ZNF475: variants seen among roughly 807,000 people sequenced by gnomAD.
ZNF475 encodes zinc finger protein 475.
At chr5:122,163,906 T>G in the ZNF475 span, among the ~76,000 whole-genome samples, 1 of 152,140 alleles carries the variant, frequency 6.6e-6, no homozygotes, top group East Asian at 1.9e-4. Context: ...CATGTTTAAA[T>G]TCAAAAAGAG....
chr5:122,172,479 T>C, the ZNF475 span, among the ~76,000 whole-genome samples: 2 of 152,302 alleles, frequency 1.3e-5, no homozygotes, highest in Non-Finnish European at 1.5e-5. Flanking sequence ...CTGGGGCTAA[T>C]AGACAGGTTT....
the ZNF475 span, among the ~76,000 whole-genome samples, chr5:122,160,787 G>A: frequency 6.6e-6 from 1 of 152,126 alleles, no homozygotes; most frequent in South Asian, 2.1e-4. Flanking sequence ...TGTCTTCAAA[G>A]CCTTTTTCCC....
chr5:122,174,872 C>G, the ZNF475 span, among the ~76,000 whole-genome samples: 1 of 152,086 alleles, frequency 6.6e-6, no homozygotes, highest in African/African-American at 2.4e-5. Flanking sequence ...ATTAACCTTT[C>G]CAGTAAATAA....
At chr5:122,169,303 G>A in the ZNF475 span, among the ~76,000 whole-genome samples, 2 of 152,088 alleles carry the variant, frequency 1.3e-5, no homozygotes, top group African/African-American at 4.8e-5. Flanking sequence ...CTTTCTTTCT[G>A]CTTCAGACTC....
At chr5:122,161,661 A>C in the ZNF475 span, among the ~76,000 whole-genome samples, 1 of 152,078 alleles carries the variant, frequency 6.6e-6, no homozygotes, top group Non-Finnish European at 1.5e-5. Context: ...TCATCTCTTT[A>C]ATTATATGCA....
the ZNF475 span, among the ~76,000 whole-genome samples, chr5:122,160,711 G>C: frequency 2.6e-5 from 4 of 152,100 alleles, no homozygotes; most frequent in Non-Finnish European, 5.9e-5. Context: ...TATTATTTAG[G>C]CGTAAAATGA....
the ZNF475 span, chr5:122,163,366 A>G: frequency 1.3e-5 from 2 of 152,344 alleles, no homozygotes; most frequent in African/African-American, 2.4e-5. Flanking sequence ...CCATTATGCC[A>G]CTTGGTCAGA....
the ZNF475 span, among the ~76,000 whole-genome samples, chr5:122,164,169 T>C: frequency 6.6e-6 from 1 of 152,224 alleles, no homozygotes; most frequent in African/African-American, 2.4e-5. Context: ...TACCTTTTAT[T>C]GGGGATATGA....
At chr5:122,170,305 C>T in the ZNF475 span, among the ~76,000 whole-genome samples, 2 of 152,168 alleles carry the variant, frequency 1.3e-5, no homozygotes, top group African/African-American at 2.4e-5. Context: ...ACAAGACTGC[C>T]CCCCAGCTTC....
the ZNF475 span, among the ~76,000 whole-genome samples, chr5:122,178,372 G>A: frequency 6.6e-6 from 1 of 152,330 alleles, no homozygotes; most frequent in Non-Finnish European, 1.5e-5. Context: ...CAGTGTAAAA[G>A]CTTTCCTATT....
At chr5:122,174,230 A>G in the ZNF475 span, among the ~76,000 whole-genome samples, 5 of 152,342 alleles carry the variant, frequency 3.3e-5, no homozygotes, top group African/African-American at 1.2e-4. Context: ...TCTATCTGAA[A>G]AAGGCCCAAT....
the ZNF475 span, among the ~76,000 whole-genome samples, chr5:122,166,193 G>C: frequency 1.3e-5 from 2 of 152,162 alleles, no homozygotes; most frequent in Admixed American, 6.5e-5. Flanking sequence ...GTGACACAAG[G>C]GGAGCCTTTC....
At chr5:122,182,106 C>G in the ZNF475 span, among the ~76,000 whole-genome samples, 1 of 152,098 alleles carries the variant, frequency 6.6e-6, no homozygotes, top group Non-Finnish European at 1.5e-5. Context: ...TATTTAGAGT[C>G]AACTGAAAGA....
At chr5:122,169,870 C>T in the ZNF475 span, among the ~76,000 whole-genome samples, 4 of 152,064 alleles carry the variant, frequency 2.6e-5, no homozygotes, top group Non-Finnish European at 5.9e-5. Flanking sequence ...TTGACTAATG[C>T]GTTCAGGTGT....
chr5:122,181,549 A>T, the ZNF475 span, among the ~76,000 whole-genome samples: 13 of 152,234 alleles, frequency 8.5e-5, no homozygotes, highest in African/African-American at 3.1e-4. Context: ...AGGAGCAGAC[A>T]TGTTAAAAAA....
At chr5:122,163,221 T>A in the ZNF475 span, 3 of 152,210 alleles carry the variant, frequency 2.0e-5, no homozygotes, top group Non-Finnish European at 4.4e-5. Flanking sequence ...GTAATCACTG[T>A]GTGCTTTAGT....
chr5:122,181,398 A>C, the ZNF475 span, among the ~76,000 whole-genome samples: 1 of 152,202 alleles, frequency 6.6e-6, no homozygotes, highest in Non-Finnish European at 1.5e-5. Flanking sequence ...CGAGAAAGTC[A>C]GTGTCATTCT....
At chr5:122,174,075 C>T in the ZNF475 span, among the ~76,000 whole-genome samples, 1 of 152,218 alleles carries the variant, frequency 6.6e-6, no homozygotes, top group African/African-American at 2.4e-5. Context: ...TCCTCAGCCA[C>T]CCTTCCACTG....
chr5:122,165,113 C>T, the ZNF475 span, among the ~76,000 whole-genome samples: 2 of 152,236 alleles, frequency 1.3e-5, no homozygotes. Flanking sequence ...TGAGCAACAA[C>T]ATCTGGGCTT....
Sources: gnomAD v4.1 joint callset for allele counts (sites outside exome capture counted in the v4.1 genomes callset) on GRCh38, gnomAD v4.1.1 for gene constraint, MANE v1.5 for transcripts, NCBI Gene and HGNC (gene_info 2026-07-23, HGNC 2026-07-21) for gene names.